The following ANO6 variants were observed in gnomAD, a reference collection of about 807,000 sequenced individuals.
ANO6 encodes the protein anoctamin 6, also known as anoctamin-6.
A neutral mutation model predicts 117.5 loss-of-function variants in ANO6; 106 were observed. That is an observed-to-expected ratio of 0.90 (90% CI 0.77 to 1.06). The LOEUF is 1.06. Among genes scored for constraint, ANO6 ranks in the 50% least tolerant of loss-of-function variants. ANO6 has a pLI of 0.00. For synonymous variants in ANO6, 367 were observed against 385.1 expected (o/e 0.95, Z 0.55); for missense variants, 955 against 1,121.1 (o/e 0.85, Z 2.12).
chr12:45,240,861 CA>C (rs1158198319), intron 1 of ANO6, among the ~76,000 whole-genome samples: 4 of 152,082 alleles, frequency 2.6e-5, no homozygotes, highest in Non-Finnish European at 5.9e-5. Context: ...TTTTCTTTAA[CA>C]ATGTTGAATA....
chr12:45,315,036 T>C (rs1267223307), intron 2 of ANO6, among the ~76,000 whole-genome samples: 1 of 152,032 alleles, frequency 6.6e-6, no homozygotes, highest in Non-Finnish European at 1.5e-5. Flanking sequence ...ATGTGGAATG[T>C]AGAAATGTTG....
chr12:45,220,733 A>G (rs933597027), intron 1 of ANO6, among the ~76,000 whole-genome samples: 1 of 152,192 alleles, frequency 6.6e-6, no homozygotes, highest in South Asian at 2.1e-4. Flanking sequence ...TAATAAGTTG[A>G]CAGATGGCTG....
chr12:45,246,389 A>G (rs900438581), intron 1 of ANO6, among the ~76,000 whole-genome samples: 2 of 152,122 alleles, frequency 1.3e-5, no homozygotes, highest in African/African-American at 2.4e-5. Flanking sequence ...ACCTGGGTCA[A>G]TAGAGTGCTG....
intron 1 of ANO6, chr12:45,256,750 T>C (rs950324207): frequency 5.9e-5 from 9 of 152,258 alleles, no homozygotes; most frequent in African/African-American, 2.2e-4. Context: ...TAGATTGTTC[T>C]ATTATCATCC....
chr12:45,354,366 CTATG>C (rs1941358784), intron 7 of ANO6, among the ~76,000 whole-genome samples: 1 of 152,072 alleles, frequency 6.6e-6, no homozygotes, highest in Non-Finnish European at 1.5e-5. Flanking sequence ...ATATGTAACT[CTATG>C]TATGCTCAAA....
At chr12:45,347,367 AC>A (rs1405998018) in intron 4 of ANO6, 1 of 415,424 alleles carries the variant, frequency 2.4e-6, no homozygotes, top group Non-Finnish European at 4.3e-6. Context: ...TTTTTGTTAT[AC>A]AAAAAATAGT....
chr12:45,336,653 C>G (rs980792223), intron 3 of ANO6, among the ~76,000 whole-genome samples: 10 of 151,966 alleles, frequency 6.6e-5, no homozygotes, highest in African/African-American at 2.4e-4. Flanking sequence ...ATAGCACATA[C>G]AATCATGTAT....
chr12:45,373,203 T>A (rs1941897678), intron 9 of ANO6, among the ~76,000 whole-genome samples: 1 of 152,054 alleles, frequency 6.6e-6, no homozygotes, highest in African/African-American at 2.4e-5. Flanking sequence ...AGCACCCAGA[T>A]CATAAAGCAA....
At chr12:45,266,763 C>T (rs1381526452) in intron 1 of ANO6, among the ~76,000 whole-genome samples, 2 of 151,878 alleles carry the variant, frequency 1.3e-5, no homozygotes, top group African/African-American at 2.4e-5. Flanking sequence ...TGCCACTGCC[C>T]TCCAGCCTGG....
chr12:45,438,942 T>C (rs1364016492), intron 19 of ANO6, among the ~76,000 whole-genome samples: 2 of 152,230 alleles, frequency 1.3e-5, no homozygotes, highest in Non-Finnish European at 1.5e-5. Context: ...TAAATACTTG[T>C]TGAATTAATG....
At chr12:45,365,829 T>C (rs182393599) in intron 8 of ANO6, among the ~76,000 whole-genome samples, 1 of 152,194 alleles carries the variant, frequency 6.6e-6, no homozygotes, top group Non-Finnish European at 1.5e-5. Flanking sequence ...GCTCCTCAGA[T>C]GACATGAAGC....
At chr12:45,325,259 G>A (rs1162014516) in intron 2 of ANO6, among the ~76,000 whole-genome samples, 1 of 152,180 alleles carries the variant, frequency 6.6e-6, no homozygotes, top group Non-Finnish European at 1.5e-5. Flanking sequence ...GTTTAGAAAT[G>A]TAATTTAGGA....
chr12:45,267,841 T>G (rs1938270332), intron 1 of ANO6, among the ~76,000 whole-genome samples: 1 of 152,108 alleles, frequency 6.6e-6, no homozygotes, highest in South Asian at 2.1e-4. Context: ...GAGGCTAGCA[T>G]AAAGAAGAAA....
At chr12:45,226,252 A>G (rs1229807005) in intron 1 of ANO6, among the ~76,000 whole-genome samples, 1 of 152,246 alleles carries the variant, frequency 6.6e-6, no homozygotes, top group Non-Finnish European at 1.5e-5. Context: ...ACATGTTTGA[A>G]TACTAATTGA....
intron 5 of ANO6, 63 bp from the exon 6 acceptor site, chr12:45,348,455 A>G (rs1428462514): frequency 6.5e-7 from 1 of 1,542,612 alleles, no homozygotes; most frequent in East Asian, 2.3e-5. Flanking sequence ...ACAGTAGTAA[A>G]CAATGATTGG....
At chr12:45,245,098 C>T (rs1026196146) in intron 1 of ANO6, among the ~76,000 whole-genome samples, 19 of 152,180 alleles carry the variant, frequency 1.2e-4, no homozygotes, top group African/African-American at 4.6e-4. Flanking sequence ...CTGATAGCTT[C>T]TCTTCCCTAG....
chr12:45,288,936 A>G (rs1275397031), intron 1 of ANO6, among the ~76,000 whole-genome samples: 2 of 151,060 alleles, frequency 1.3e-5, no homozygotes, highest in Non-Finnish European at 3.0e-5. Context: ...TTTTTTTAGT[A>G]GAGACAGGGT....
At chr12:45,256,792 A>C (rs528487436) in intron 1 of ANO6, 1 of 152,340 alleles carries the variant, frequency 6.6e-6, no homozygotes, top group East Asian at 1.9e-4. Context: ...GTATAAAATT[A>C]TTCATAAATG....
intron 3 of ANO6, among the ~76,000 whole-genome samples, chr12:45,345,387 C>T (rs1477975274): frequency 6.6e-6 from 1 of 152,138 alleles, no homozygotes; most frequent in African/African-American, 2.4e-5. Flanking sequence ...AGCACAGCAA[C>T]TCATCCCCAC....
Sources: gnomAD v4.1 joint callset for allele counts (sites outside exome capture counted in the v4.1 genomes callset) on GRCh38, gnomAD v4.1.1 for gene constraint, MANE v1.5 for transcripts, NCBI Gene and HGNC (gene_info 2026-07-23, HGNC 2026-07-21) for gene names.